The following GALK2 variants were observed in gnomAD, a reference collection of about 807,000 sequenced individuals.
The protein encoded by GALK2 is galactokinase 2, also known as N-acetylgalactosamine kinase.
A neutral mutation model predicts 52.4 loss-of-function variants in GALK2; 36 were observed. The ratio of observed to expected loss-of-function variants is 0.69; its 90% CI spans 0.53 to 0.91. The LOEUF (loss-of-function observed/expected upper bound fraction) is 0.91. GALK2 is among the 40% of genes least tolerant of loss of function. The pLI is 0.00. For synonymous variants in GALK2, 176 were observed against 199.1 expected (o/e 0.88, Z 0.98); for missense variants, 579 against 559.1 (o/e 1.04, Z -0.36).
intron 1 of GALK2, among the ~76,000 whole-genome samples, chr15:49,185,893 A>AT (rs1208422159): frequency 1.3e-5 from 2 of 151,938 alleles, no homozygotes; most frequent in Non-Finnish European, 2.9e-5. Flanking sequence ...TAGGGTAAAC[A>AT]TTTTTTTCTT....
At chr15:49,323,091 G>A (rs1267707680) in intron 9 of GALK2, among the ~76,000 whole-genome samples, 1 of 152,138 alleles carries the variant, frequency 6.6e-6, no homozygotes, top group East Asian at 1.9e-4. Context: ...AAGACAGACG[G>A]TACAAGAGTA....
intron 3 of GALK2, among the ~76,000 whole-genome samples, chr15:49,353,111 T>C (rs563949892): frequency 6.6e-6 from 1 of 152,276 alleles, no homozygotes; most frequent in East Asian, 1.9e-4. Flanking sequence ...CAGGGAAAAA[T>C]GGAAATAGTT....
chr15:49,260,280 G>C (rs1472252363), intron 5 of GALK2, among the ~76,000 whole-genome samples: 4 of 152,120 alleles, frequency 2.6e-5, no homozygotes, highest in Non-Finnish European at 5.9e-5. Flanking sequence ...ATTCTAACTG[G>C]TGTGAGATGG....
intron 5 of GALK2, among the ~76,000 whole-genome samples, chr15:49,255,265 T>C (rs2091767241): frequency 7.0e-6 from 1 of 143,740 alleles, no homozygotes; most frequent in East Asian, 1.9e-4. Flanking sequence ...TTCAAGATAA[T>C]TGAATACATT....
downstream of GALK2, among the ~76,000 whole-genome samples, chr15:49,333,851 A>G (rs934853539): frequency 1.3e-5 from 2 of 152,134 alleles, no homozygotes; most frequent in African/African-American, 4.8e-5. Context: ...AATGAGCCCA[A>G]TTTTTCTTGC....
intron 1 of GALK2, among the ~76,000 whole-genome samples, chr15:49,160,559 C>CA (rs2084617728): frequency 6.6e-6 from 1 of 151,840 alleles, no homozygotes; most frequent in Non-Finnish European, 1.5e-5. Context: ...TACTGTTGAC[C>CA]CATCATAATA....
chr15:49,347,274 AAATT>A lies in GALK2; in HGVS notation c.427-20215_427-20212del, dbSNP rs371421987. On this transcript the variant is annotated intron_variant, in intron 3 of 3. Coordinates refer to the GALK2 transcript ENST00000558399. ...AGAGACATGGTGTTTTGCCCTTAAG[AAATT>A]AGTAAGAATAAGAAGTGACAACATT... is the stretch of plus-strand genomic sequence containing the variant. Among the ~76,000 whole-genome samples, 966 of 152,336 alleles carry A rather than the reference AAATT, an allele frequency of 6.3e-3. 14 individuals carry two copies. The highest frequency in any genetic ancestry group is 0.022 in the African/African-American group (910 of 41,582).
At chr15:49,364,682 G>A (rs1474308970) in intron 3 of GALK2, among the ~76,000 whole-genome samples, 1 of 152,006 alleles carries the variant, frequency 6.6e-6, no homozygotes, top group Non-Finnish European at 1.5e-5. Context: ...TTTCACCGTT[G>A]AACTGCCTTC....
chr15:49,167,036 C>G (rs962557469), upstream of GALK2, among the ~76,000 whole-genome samples: 9 of 152,182 alleles, frequency 5.9e-5, no homozygotes, highest in Non-Finnish European at 1.0e-4. Context: ...AGGCACTAGC[C>G]AGGTCTGTAA....
At chr15:49,221,565 G>T (rs1222338085) in intron 3 of GALK2, among the ~76,000 whole-genome samples, 1 of 152,068 alleles carries the variant, frequency 6.6e-6, no homozygotes, top group African/African-American at 2.4e-5. Context: ...TACTCAGGAG[G>T]CTGAGGCAGG....
In GALK2 at chr15:49,228,687, A is replaced by ATATACATATAT. The variant is rs1555409061; in HGVS notation, c.267-7163_267-7162insATACATATATT. Among the ~76,000 whole-genome samples, 19 of 14,278 alleles carry ATATACATATAT rather than the reference A, an allele frequency of 1.3e-3. 1 individual carries two copies. Among genetic ancestry groups the ATATACATATAT allele is most frequent in the African/African-American group, 5.8e-3 (17 of 2,926 alleles). 9.4% of individuals were successfully genotyped at this position (14,278 alleles called of 152,430 possible). On this transcript the variant is annotated intron_variant, in intron 3 of 9. Transcript: ENST00000560031. ...TATATATATATATATATATATATATATTTTTTTTTTTTTTTTTTTTTTTTG... is the reference window on the plus strand; with the variant it reads ...TATATATATATATATATATATATATATATACATATATTTTTTTTTTTTTTTTTTTTTTTTTG...
intron 8 of GALK2, among the ~76,000 whole-genome samples, chr15:49,299,748 TTTCTTTCTTTC>T (rs2034871636): frequency 8.5e-6 from 1 of 117,800 alleles, no homozygotes. Flanking sequence ...TCTTTCTTTC[TTTCTTTCTTTC>T]TTTCTTTCTT....
At chr15:49,262,982 C>T (rs1411421377) in intron 5 of GALK2, among the ~76,000 whole-genome samples, 1 of 145,238 alleles carries the variant, frequency 6.9e-6, no homozygotes, top group Admixed American at 6.7e-5. Flanking sequence ...GAGAGCTTTA[C>T]TTCCAAGTAT....
chr15:49,341,233 T>G (rs2040686361), intron 3 of GALK2, among the ~76,000 whole-genome samples: 1 of 152,184 alleles, frequency 6.6e-6, no homozygotes, highest in African/African-American at 2.4e-5. Context: ...CTTAGGATTT[T>G]TTTTGGCTAT....
At chr15:49,163,681 ATTGTATGCTACC>A (rs1595850797) in intron 1 of GALK2, among the ~76,000 whole-genome samples, 2 of 152,182 alleles carry the variant, frequency 1.3e-5, no homozygotes, top group East Asian at 3.8e-4. Flanking sequence ...ATTTTTCATA[ATTGTATGCTACC>A]TTGTATTACA....
chr15:49,177,781 T>G (rs1050893491), intron 1 of GALK2: 3 of 597,280 alleles, frequency 5.0e-6, no homozygotes, highest in Non-Finnish European at 8.1e-6. Context: ...GGTGGCAGGA[T>G]TTTTTCTGAC....
chr15:49,192,509 A>G (rs992198993), intron 1 of GALK2, among the ~76,000 whole-genome samples: 2 of 139,460 alleles, frequency 1.4e-5, no homozygotes. Context: ...ATATATATAT[A>G]TATATATATA....
chr15:49,299,753 T>TTCTTTCCTTCTTTCTTTCGTGCTG (rs2034879690), intron 8 of GALK2, among the ~76,000 whole-genome samples: 1 of 141,366 alleles, frequency 7.1e-6, no homozygotes, highest in African/African-American at 2.7e-5. Flanking sequence ...CTTTCTTTCT[T>TTCTTTCCTTCTTTCTTTCGTGCTG]TCTTTCTTTC....
At chr15:49,361,409 C>T (rs567063271) in intron 3 of GALK2, among the ~76,000 whole-genome samples, 79 of 152,246 alleles carry the variant, frequency 5.2e-4, no homozygotes, top group African/African-American at 1.9e-3. Context: ...TCCCTCCTCC[C>T]TCAAGTAGGT....
Sources: allele counts gnomAD v4.1 joint callset (sites outside exome capture counted in the v4.1 genomes callset), GRCh38; gene constraint gnomAD v4.1.1; transcripts MANE v1.5; gene names NCBI Gene and HGNC (gene_info 2026-07-23, HGNC 2026-07-21).